GALNT13: variants seen among roughly 807,000 people sequenced by gnomAD.
GALNT13 encodes polypeptide N-acetylgalactosaminyltransferase 13.
In GALNT13, 28 loss-of-function variants were observed where a neutral mutation model predicts 64.2. That is an observed-to-expected ratio of 0.44 (90% CI 0.32 to 0.60). GALNT13 has a LOEUF of 0.60. Ranked by LOEUF, GALNT13 falls within the 20% of genes least tolerant of loss-of-function variation. The pLI, the probability that GALNT13 is intolerant of heterozygous loss-of-function variation, is 0.05. For synonymous variants in GALNT13, 214 were observed against 224.6 expected, an observed-to-expected ratio of 0.95 and a Z score of 0.42; for missense variants, 577 against 669.8, an observed-to-expected ratio of 0.86 and a Z score of 1.53.
chr2:154,028,466 C>T (rs1273229510), intron 3 of GALNT13, among the ~76,000 whole-genome samples: 1 of 152,008 alleles, frequency 6.6e-6, no homozygotes, highest in South Asian at 2.1e-4. Flanking sequence ...TTGTGCCATC[C>T]TCTTCTTTCT....
intron 8 of GALNT13, among the ~76,000 whole-genome samples, chr2:154,271,704 A>G (rs1691364697): frequency 2.0e-5 from 3 of 151,892 alleles, no homozygotes; most frequent in Admixed American, 2.0e-4. Flanking sequence ...TATCTAACCA[A>G]TCATGAATAC....
At chr2:153,884,827 A>ATGTGTG (rs1176473961) in intron 1 of GALNT13, among the ~76,000 whole-genome samples, 12 of 111,898 alleles carry the variant, frequency 1.1e-4, no homozygotes, top group African/African-American at 4.6e-4. Context: ...GTGTATATAT[A>ATGTGTG]TGTGTGTGTG....
chr2:153,423,294 A>G, the GALNT13 span: 2 of 151,918 alleles, frequency 1.3e-5, no homozygotes, highest in Non-Finnish European at 2.9e-5. Flanking sequence ...CATGCAGGAA[A>G]ATCATTCAAT....
the GALNT13 span, among the ~76,000 whole-genome samples, chr2:153,671,247 C>A: frequency 1.3e-5 from 2 of 152,018 alleles, no homozygotes; most frequent in African/African-American, 4.8e-5. Flanking sequence ...GACACATGAT[C>A]GTTAGCTTCA....
At chr2:154,366,159 A>G (rs1324378759) in intron 9 of GALNT13, among the ~76,000 whole-genome samples, 1 of 152,188 alleles carries the variant, frequency 6.6e-6, no homozygotes, top group Non-Finnish European at 1.5e-5. Context: ...GTCATATCAC[A>G]GCCAGTTATT....
At chr2:153,975,621 T>A (rs560390847) in intron 3 of GALNT13, among the ~76,000 whole-genome samples, 24 of 152,164 alleles carry the variant, frequency 1.6e-4, no homozygotes, top group Admixed American at 1.2e-3. Flanking sequence ...TGGATGAAAC[T>A]GAAAAAAAAT....
intron 8 of GALNT13, among the ~76,000 whole-genome samples, chr2:154,299,772 T>A (rs898502293): frequency 6.6e-6 from 1 of 151,876 alleles, no homozygotes. Context: ...CTGAAATACG[T>A]TGATTATTTA....
chr2:154,450,996 G>C lies in GALNT13; in HGVS notation c.*445G>C, dbSNP rs1325177468. 6.5e-6 allele frequency: 1 copy of C among 154,722 alleles called. No individual in the cohort carries two copies. Among genetic ancestry groups the C allele is most frequent in the Non-Finnish European group, 1.4e-5 (1 of 69,672 alleles). 9.6% of individuals were successfully genotyped at this position (154,722 alleles called of 1,614,324 possible). ...CTTCATGGAAACATGTTTGATTTCT[G>C]TGTCTACAACAGGGCCACATATTAA... On this transcript the variant is annotated 3_prime_UTR_variant, in exon 13 of 13. Transcript: ENST00000392825.
At chr2:153,919,298 G>A (rs910221863) in intron 2 of GALNT13, among the ~76,000 whole-genome samples, 1 of 151,662 alleles carries the variant, frequency 6.6e-6, no homozygotes, top group Non-Finnish European at 1.5e-5. Flanking sequence ...TACCTCTTCT[G>A]ATATTCAGTC....
chr2:153,908,505 A>T (rs1448660830), intron 2 of GALNT13, among the ~76,000 whole-genome samples: 1 of 152,120 alleles, frequency 6.6e-6, no homozygotes, highest in Non-Finnish European at 1.5e-5. Flanking sequence ...GTTGTCTTCC[A>T]GAGTTTTTAT....
At chr2:154,358,871 A>C (rs1176495048) in intron 9 of GALNT13, among the ~76,000 whole-genome samples, 1 of 152,126 alleles carries the variant, frequency 6.6e-6, no homozygotes, top group African/African-American at 2.4e-5. Flanking sequence ...CTGTTCACTC[A>C]CTGAAATTCA....
At chr2:153,090,226 G>T in the GALNT13 span, among the ~76,000 whole-genome samples, 1 of 152,076 alleles carries the variant, frequency 6.6e-6, no homozygotes, top group African/African-American at 2.4e-5. Flanking sequence ...TTGCTCTCTT[G>T]GGTCTAACCA....
chr2:154,028,456 T>C (rs1270794231), intron 3 of GALNT13, among the ~76,000 whole-genome samples: 2 of 152,130 alleles, frequency 1.3e-5, no homozygotes, highest in African/African-American at 4.8e-5. Context: ...TGGGGGATTA[T>C]TGTGCCATCC....
the GALNT13 span, among the ~76,000 whole-genome samples, chr2:153,697,781 G>T: frequency 6.6e-6 from 1 of 152,272 alleles, no homozygotes; most frequent in Non-Finnish European, 1.5e-5. Flanking sequence ...GAATGTACTG[G>T]AGAGTTTTGA....
At chr2:154,434,033 C>A (rs1574297545) in intron 11 of GALNT13, among the ~76,000 whole-genome samples, 1 of 152,118 alleles carries the variant, frequency 6.6e-6, no homozygotes, top group East Asian at 1.9e-4. Context: ...AGAAGGAAGA[C>A]CGTGTGAAGA....
At chr2:153,993,076 A>T (rs1226454585) in intron 3 of GALNT13, among the ~76,000 whole-genome samples, 1 of 152,180 alleles carries the variant, frequency 6.6e-6, no homozygotes, top group African/African-American at 2.4e-5. Context: ...ATGAAGGAAT[A>T]TTAATAAATT....
At chr2:153,483,643 C>T in the GALNT13 span, among the ~76,000 whole-genome samples, 32 of 151,910 alleles carry the variant, frequency 2.1e-4, no homozygotes, top group South Asian at 5.8e-3. Flanking sequence ...CCTGAACTCC[C>T]GACCTCAGGT....
chr2:153,450,700 A>G, the GALNT13 span, among the ~76,000 whole-genome samples: 1 of 152,124 alleles, frequency 6.6e-6, no homozygotes, highest in Non-Finnish European at 1.5e-5. Flanking sequence ...AGCATTTTAC[A>G]ATGAAGTGAA....
chr2:153,578,972 G>A, the GALNT13 span, among the ~76,000 whole-genome samples: 1 of 152,136 alleles, frequency 6.6e-6, no homozygotes, highest in South Asian at 2.1e-4. Flanking sequence ...TCTTGGTTGG[G>A]CTAGTTATCT....
Sources: gnomAD v4.1 joint callset for allele counts (sites outside exome capture counted in the v4.1 genomes callset) on GRCh38, gnomAD v4.1.1 for gene constraint, MANE v1.5 for transcripts, NCBI Gene and HGNC (gene_info 2026-07-23, HGNC 2026-07-21) for gene names.